MALRD1: variants seen among roughly 807,000 people sequenced by gnomAD.
MALRD1 encodes MAM and LDL-receptor class A domain-containing protein 1.
A neutral mutation model predicts 242.1 loss-of-function variants in MALRD1; 247 were observed. That is an observed-to-expected ratio of 1.02 (90% CI 0.92 to 1.13). The LOEUF (loss-of-function observed/expected upper bound fraction) is 1.13. Ranked by LOEUF, MALRD1 falls within the 50% of genes most tolerant of loss-of-function variation. MALRD1 has a pLI of 0.00. For synonymous variants in MALRD1, 995 were observed against 866.6 expected, an observed-to-expected ratio of 1.15 and a Z score of -2.60; for missense variants, 2,989 against 2,533.1, an observed-to-expected ratio of 1.18 and a Z score of -3.86.
At chr10:19,423,054 G>A (rs1159225097) in intron 28 of MALRD1, among the ~76,000 whole-genome samples, 1 of 152,114 alleles carries the variant, frequency 6.6e-6, no homozygotes, top group African/African-American at 2.4e-5. Context: ...TCAGGTTGGA[G>A]GATGCCTTTA....
chr10:19,291,950 G>A (rs1841450558), intron 21 of MALRD1, among the ~76,000 whole-genome samples: 1 of 151,756 alleles, frequency 6.6e-6, no homozygotes, highest in African/African-American at 2.4e-5. Flanking sequence ...GTCATACGTG[G>A]TGGTGCGTGC....
intron 14 of MALRD1, among the ~76,000 whole-genome samples, chr10:19,190,212 G>GA (rs1469277334): frequency 6.6e-6 from 1 of 151,618 alleles, no homozygotes; most frequent in African/African-American, 2.4e-5. Flanking sequence ...TGCAATAACA[G>GA]AAAAAAGAAT....
At chr10:19,140,157 A>C (rs1033470602) in intron 10 of MALRD1, among the ~76,000 whole-genome samples, 2 of 152,150 alleles carry the variant, frequency 1.3e-5, no homozygotes, top group African/African-American at 4.8e-5. Context: ...TTTCCCATAC[A>C]TAGCTTTCTT....
chr10:19,557,467 G>A (rs1835774419), intron 32 of MALRD1, among the ~76,000 whole-genome samples: 3 of 151,954 alleles, frequency 2.0e-5, no homozygotes, highest in Admixed American at 2.0e-4. Flanking sequence ...GGTAACACAT[G>A]TATACTCTGT....
At chr10:19,598,125 TAGG>T in intron 34 of MALRD1, 1 of 152,214 alleles carries the variant, frequency 6.6e-6, no homozygotes, top group Middle Eastern at 3.4e-3. Flanking sequence ...AGGGAATGGT[TAGG>T]AGATGTCACA....
At chr10:19,622,583 G>A (rs1839453444) in intron 36 of MALRD1, among the ~76,000 whole-genome samples, 1 of 151,248 alleles carries the variant, frequency 6.6e-6, no homozygotes, top group Non-Finnish European at 1.5e-5. Flanking sequence ...GTTTTCATAG[G>A]GGTAAACAAT....
At chr10:19,591,220 T>C (rs1185150824) in intron 33 of MALRD1, among the ~76,000 whole-genome samples, 1 of 152,240 alleles carries the variant, frequency 6.6e-6, no homozygotes, top group African/African-American at 2.4e-5. Context: ...GCTGAGGTTT[T>C]TCAGAGTATT....
intron 36 of MALRD1, among the ~76,000 whole-genome samples, chr10:19,633,250 CAGAG>C (rs746264616): frequency 6.6e-6 from 1 of 151,664 alleles, no homozygotes; most frequent in Non-Finnish European, 1.5e-5. Flanking sequence ...AAAAGAGAGA[CAGAG>C]AGAGAGAGAC....
chr10:19,423,633 A>G (rs1332483067), intron 28 of MALRD1, among the ~76,000 whole-genome samples: 1 of 152,090 alleles, frequency 6.6e-6, no homozygotes, highest in Non-Finnish European at 1.5e-5. Flanking sequence ...GCAGGTCATC[A>G]TGTATGTCAA....
chr10:19,066,372 A>T lies in MALRD1; in HGVS notation c.200-347A>T, dbSNP rs373303705. 1.1e-4 allele frequency among the ~76,000 whole-genome samples: 17 copies of T among 152,276 alleles called. No homozygotes were observed. In the South Asian group the frequency reaches 3.5e-3, roughly 32 times the overall value. ...AATTGCTTGAGAGACACAGGACAGG[A>T]TGTTATTGTTCTAATTTTGCAAGTA... On this transcript the variant is annotated intron_variant, in intron 1 of 39. Coordinates refer to ENST00000454679, the MANE Select transcript of MALRD1 (RefSeq NM_001142308.3).
chr10:19,657,111 C>T (rs1841194942), intron 36 of MALRD1, among the ~76,000 whole-genome samples: 1 of 152,146 alleles, frequency 6.6e-6, no homozygotes, highest in Non-Finnish European at 1.5e-5. Flanking sequence ...CATTCTCTCA[C>T]AGTCTTTTCA....
At chr10:19,252,575 AT>A (rs995111470) in intron 18 of MALRD1, among the ~76,000 whole-genome samples, 3 of 151,970 alleles carry the variant, frequency 2.0e-5, no homozygotes, top group Non-Finnish European at 4.4e-5. Context: ...TAGACATCAT[AT>A]TTTTTTGTCA....
chr10:19,412,316 A>G (rs541350556), intron 28 of MALRD1, among the ~76,000 whole-genome samples: 1 of 152,296 alleles, frequency 6.6e-6, no homozygotes, highest in South Asian at 2.1e-4. Flanking sequence ...AGTTTATAAT[A>G]TTATGTACTC....
chr10:19,290,739 T>G (rs1841377366), intron 21 of MALRD1, among the ~76,000 whole-genome samples: 1 of 152,184 alleles, frequency 6.6e-6, no homozygotes, highest in Non-Finnish European at 1.5e-5. Context: ...CTGAGAAATT[T>G]TTTAAAAAAT....
intron 12 of MALRD1, 93 bp downstream of exon 12, chr10:19,155,265 C>G: frequency 3.6e-6 from 2 of 559,392 alleles, no homozygotes; most frequent in Non-Finnish European, 5.3e-6. Flanking sequence ...CCATGTTTTA[C>G]TAGCACTTTA....
At chr10:19,322,362 A>G (rs1442789076) in intron 21 of MALRD1, among the ~76,000 whole-genome samples, 3 of 152,156 alleles carry the variant, frequency 2.0e-5, no homozygotes, top group Non-Finnish European at 4.4e-5. Context: ...TTAAAAATTA[A>G]CTCATAACTC....
chr10:19,243,406 A>T (rs1393282444), intron 18 of MALRD1, among the ~76,000 whole-genome samples: 1 of 152,168 alleles, frequency 6.6e-6, no homozygotes, highest in Non-Finnish European at 1.5e-5. Context: ...TTCATTAAAA[A>T]GTCTTTATCA....
At chr10:19,636,990 G>A (rs1487082923) in intron 36 of MALRD1, among the ~76,000 whole-genome samples, 2 of 151,770 alleles carry the variant, frequency 1.3e-5, no homozygotes, top group Admixed American at 1.3e-4. Context: ...TACAAAATTG[G>A]TAATTATCTG....
At chr10:19,188,491 CTCATG>C (rs1456931992) in intron 14 of MALRD1, among the ~76,000 whole-genome samples, 1 of 152,264 alleles carries the variant, frequency 6.6e-6, no homozygotes, top group African/African-American at 2.4e-5. Context: ...AAATACAATA[CTCATG>C]TCAGTCAGGA....
Sources: allele counts gnomAD v4.1 joint callset (sites outside exome capture counted in the v4.1 genomes callset), GRCh38; gene constraint gnomAD v4.1.1; transcripts MANE v1.5; gene names NCBI Gene and HGNC (gene_info 2026-07-23, HGNC 2026-07-21).